SOS1: variants seen among roughly 807,000 people sequenced by gnomAD.
SOS1 encodes the protein son of sevenless homolog 1.
A neutral mutation model predicts 157.6 loss-of-function variants in SOS1; 25 were observed. The ratio of observed to expected loss-of-function variants is 0.16; its 90% CI spans 0.12 to 0.22. SOS1 has a LOEUF of 0.22. Among genes scored for constraint, SOS1 ranks in the 10% least tolerant of loss-of-function variants. The pLI, the probability that SOS1 is intolerant of heterozygous loss-of-function variation, is 1.00. For missense variants in SOS1, 1,237 were observed against 1,599.1 expected (o/e 0.77, Z 3.86); for synonymous variants, 528 against 534.0 (o/e 0.99, Z 0.16).
At chr2:39,098,062 A>C (rs184683515) in intron 1 of SOS1, 1 of 152,680 alleles carries the variant, frequency 6.5e-6, no homozygotes, top group East Asian at 1.9e-4. Context: ...TACAAAAGAA[A>C]GACATGAAAA....
chr2:39,107,882 C>T (rs191254571), intron 1 of SOS1, among the ~76,000 whole-genome samples: 1 of 152,234 alleles, frequency 6.6e-6, no homozygotes, highest in Non-Finnish European at 1.5e-5. Flanking sequence ...GAGCCATCCT[C>T]AAAGCCTTGA....
At chr2:39,105,647 T>G (rs184389491) in intron 1 of SOS1, among the ~76,000 whole-genome samples, 2 of 152,146 alleles carry the variant, frequency 1.3e-5, no homozygotes, top group Non-Finnish European at 2.9e-5. Context: ...ACTGTAATCC[T>G]AGCACTTTGG....
chr2:39,079,062 CAAAAAAAAAAAAA>C (rs10608351), intron 1 of SOS1, among the ~76,000 whole-genome samples: 1 of 39,990 alleles, frequency 2.5e-5, no homozygotes, highest in African/African-American at 1.2e-4. Flanking sequence ...CTCTGTCTCC[CAAAAAAAAAAAAA>C]AAAAAAAAAA....
intron 6 of SOS1, among the ~76,000 whole-genome samples, chr2:39,048,115 T>C (rs1670858489): frequency 6.6e-6 from 1 of 152,242 alleles, no homozygotes; most frequent in Admixed American, 6.5e-5. Flanking sequence ...GTCCAGTTTA[T>C]CAATTTTTTT....
intron 1 of SOS1, among the ~76,000 whole-genome samples, chr2:39,110,041 T>TGC (rs72123712): frequency 3.5e-5 from 4 of 113,164 alleles, no homozygotes; most frequent in African/African-American, 1.0e-4. Flanking sequence ...TGTGTGTGCG[T>TGC]GTGTGTGTGT....
intron 1 of SOS1, among the ~76,000 whole-genome samples, chr2:39,071,315 C>T (rs1482139893): frequency 1.3e-5 from 2 of 152,166 alleles, no homozygotes; most frequent in African/African-American, 4.8e-5. Context: ...GCGGAGTACC[C>T]TAGTGTACGG....
intron 3 of SOS1, among the ~76,000 whole-genome samples, chr2:39,057,243 T>A (rs531990865): frequency 1.3e-5 from 2 of 152,178 alleles, no homozygotes; most frequent in South Asian, 4.1e-4. Context: ...AAAATGAGAG[T>A]TAATATATTA....
intron 9 of SOS1, 24 bp downstream of exon 9, chr2:39,023,986 A>T (rs1669879855): frequency 1.9e-6 from 3 of 1,549,038 alleles, no homozygotes; most frequent in Non-Finnish European, 2.7e-6. Context: ...AAAAAAGGAT[A>T]TTTTAAAAAG....
At position 39,002,545 on chromosome 2, in the gene SOS1, AGACT is replaced by A. The variant is rs1669137176; in HGVS notation, c.2791+3863_2791+3866del. 2.0e-5 allele frequency among the ~76,000 whole-genome samples: 3 copies of A among 152,322 alleles called. No individual in the cohort carries two copies. The South Asian group carries it at 6.2e-4, about 32-fold the overall frequency. On this transcript the variant is annotated intron_variant, in intron 17 of 22. Coordinates refer to ENST00000402219, the MANE Select transcript of SOS1 (RefSeq NM_005633.4). ...TAGCATGACTATAAGCTAGGTGAGC[AGACT>A]GACTGTGTATTTTTCACTTTTCTAA...
intron 1 of SOS1, among the ~76,000 whole-genome samples, chr2:39,096,817 T>C (rs1186902168): frequency 6.7e-6 from 1 of 150,370 alleles, no homozygotes; most frequent in African/African-American, 2.5e-5. Context: ...ACCCAGGAGG[T>C]GGAGCTTGCA....
At chr2:39,002,068 G>A (rs1472114247) in intron 17 of SOS1, among the ~76,000 whole-genome samples, 1 of 152,208 alleles carries the variant, frequency 6.6e-6, no homozygotes, top group African/African-American at 2.4e-5. Context: ...TGTAATCCCA[G>A]CACTTTGGGA....
At chr2:39,121,816 G>C (rs1215570472), upstream of SOS1, among the ~76,000 whole-genome samples, 1 of 152,232 alleles carries the variant, frequency 6.6e-6, no homozygotes, top group Non-Finnish European at 1.5e-5. Context: ...TGCTAAAGGA[G>C]CAGTATTTAT....
chr2:39,088,017 G>C (rs1672439220), intron 1 of SOS1, among the ~76,000 whole-genome samples: 1 of 150,086 alleles, frequency 6.7e-6, no homozygotes, highest in Non-Finnish European at 1.5e-5. Flanking sequence ...ATTATTAGTA[G>C]TCATTATTCA....
chr2:39,010,603 G>C lies in SOS1; in HGVS notation c.2491C>G (p.Leu831Val), dbSNP rs2124511437. Residue 831 changes from leucine to valine, a missense_variant, in exon 15 of 23, where the codon CTC becomes GTC. This residue lies in a region of SOS1 where 105 missense variants were observed against 236.0 expected (regional missense o/e 0.44). Transcript: ENST00000402219. ...ACTTACTTCTCAAACCACAGAGTGA[G>C]GTTGGTGGTATGTCGAATCATTTTC... ...LLKMIRHTTN[L>V]TLWFEKCIVE... 3.1e-6 allele frequency: 5 copies of C among 1,610,386 alleles called. No homozygotes were observed. The highest frequency in any genetic ancestry group is 4.2e-6 in the Non-Finnish European group (5 of 1,176,642).
intron 1 of SOS1, among the ~76,000 whole-genome samples, chr2:39,118,448 T>C (rs1221399508): frequency 1.3e-5 from 2 of 152,356 alleles, no homozygotes; most frequent in Admixed American, 6.5e-5. Flanking sequence ...TCATTGTTAG[T>C]GGCTATTTAA....
chr2:39,035,855 G>A (rs1670324642), intron 6 of SOS1, among the ~76,000 whole-genome samples: 1 of 152,040 alleles, frequency 6.6e-6, no homozygotes, highest in Non-Finnish European at 1.5e-5. Flanking sequence ...GTACAACTAG[G>A]TAAGGTATAA....
chr2:39,122,352 C>T (rs1673918942), upstream of SOS1, among the ~76,000 whole-genome samples: 1 of 151,864 alleles, frequency 6.6e-6, no homozygotes, highest in East Asian at 1.9e-4. Flanking sequence ...ATCGCTTGAA[C>T]CCAGGAGGCA....
rs781701631 is a variant in SOS1 at position 39,067,612 on chromosome 2, AC to A, written c.213+15del. 29 of 1,610,942 alleles carry A rather than the reference AC, an allele frequency of 1.8e-5. No individual in the cohort carries two copies. Among genetic ancestry groups the A allele is most frequent in the Non-Finnish European group, 2.5e-5 (29 of 1,177,214 alleles). On this transcript the variant is annotated intron_variant, in intron 2 of 22. Transcript: ENST00000402219. ...AAATTAGATATAAAGTAAATACAAG[AC>A]AACATTTGTCATACCTCTACATCTG...
chr2:39,060,830 T>G (rs1671374461), intron 2 of SOS1, among the ~76,000 whole-genome samples: 1 of 150,194 alleles, frequency 6.7e-6, no homozygotes, highest in Admixed American at 6.7e-5. Context: ...AGTGTAGACA[T>G]AAAAGCAGTA....
Sources: gnomAD v4.1 joint callset for allele counts (sites outside exome capture counted in the v4.1 genomes callset) on GRCh38, gnomAD v4.1.1 for gene constraint, gnomAD v4.1.1 regional missense constraint, MANE v1.5 for transcripts, NCBI Gene and HGNC (gene_info 2026-07-23, HGNC 2026-07-21) for gene names.